Variants in HOXC11 observed in about 807,000 individuals in gnomAD.
The protein encoded by HOXC11 is homeobox protein Hox-C11.
In HOXC11, 17 loss-of-function variants were observed where a neutral mutation model predicts 23.6. The ratio of observed to expected loss-of-function variants is 0.72; its 90% CI spans 0.49 to 1.08. The LOEUF (loss-of-function observed/expected upper bound fraction) is 1.08, where lower values mean the gene tolerates loss of function less well. HOXC11 is among the 50% of genes least tolerant of loss of function. The probability of loss-of-function intolerance (pLI) is 0.00; values close to 1 mark genes in which losing one functional copy is unlikely to be tolerated. For missense variants in HOXC11, 413 were observed against 412.1 expected, an observed-to-expected ratio of 1.00 and a Z score of -0.02; for synonymous variants, 196 against 183.8, an observed-to-expected ratio of 1.07 and a Z score of -0.54.
At position 53,973,520 on chromosome 12, in the gene HOXC11, T is replaced by A; in HGVS notation, c.279T>A (p.Tyr93Ter). ...WHHRNSYSSCYAAADELMHRE... is the reference protein window; with the variant it reads ...WHHRNSYSSC ...ATCGGAACAGCTACTCCTCCTGCTA[T>A]GCGGCGGCCGACGAGCTTATGCACC... Residue 93 changes from tyrosine to a stop codon, truncating the protein, a stop_gained, in exon 1 of 2, where the codon TAT becomes TAA. Transcript: ENST00000546378. LOFTEE classifies it high-confidence loss of function. The surrounding 1 kb of genome is among the most constrained non-coding windows in gnomAD (Gnocchi z 4.3). The A allele has an allele frequency of 6.2e-7, 1 of 1,613,710 alleles. No homozygotes were observed. The highest frequency in any genetic ancestry group is 8.5e-7 in the Non-Finnish European group (1 of 1,179,988).
In HOXC11 at chr12:53,977,394, T is replaced by C. The variant is rs542880992; in HGVS notation, c.*1981T>C. 10 of 152,332 alleles carry C rather than the reference T, an allele frequency of 6.6e-5. No homozygotes were observed. The South Asian group carries it at 2.1e-3, about 32-fold the overall frequency. The allele number at this position is 152,332 out of a possible 1,614,324, so 9.4% of individuals were successfully genotyped here. ...AGGAAAAAGCATCATGACTATCAAA[T>C]CTAGGTTCTGTCATTTTTGATGGTA... On this transcript the variant is annotated 3_prime_UTR_variant, in exon 2 of 2. Transcript: ENST00000546378.
Position 53,975,593 on chromosome 12 carries a change from C to G in HOXC11, c.*180C>G. 3.0e-6 allele frequency: 2 copies of G among 660,532 alleles called. No homozygotes were observed. The highest frequency in any genetic ancestry group is 5.4e-6 in the Non-Finnish European group (2 of 371,006). 40.9% of individuals were successfully genotyped at this position (660,532 alleles called of 1,614,324 possible). A position where few individuals can be genotyped will look rare whatever the true frequency, so the allele number is the denominator to read the frequency against. On this transcript the variant is annotated 3_prime_UTR_variant, in exon 2 of 2. Transcript: ENST00000546378. ...AACCTCCTGGACCCTCTATCTGACT[C>G]TCGCTGTGGGACAGGGACCGGGCCT...
In HOXC11 at chr12:53,973,425, C is replaced by T. The variant is rs1939184554; in HGVS notation, c.184C>T (p.Pro62Ser). 7 of 1,614,100 alleles carry T rather than the reference C, an allele frequency of 4.3e-6. No homozygotes were observed. The African/African-American group carries it at 5.3e-5, about 12-fold the overall frequency. The part of the protein sequence containing the change: ...PQAPSRQISY[P>S]YSAQVPPVRE... ...GGCCCCCTCTCGTCAGATCTCCTAT[C>T]CCTACTCGGCCCAAGTGCCCCCGGT... The change falls in exon 1 of 2, where the codon CCC (proline) becomes TCC (serine). Residue 62 changes from proline (P) to serine (S), a missense_variant. By Grantham distance (74) the Pro-to-Ser change is moderately conservative. Coordinates refer to ENST00000546378, the MANE Select transcript of HOXC11 (RefSeq NM_014212.4). The surrounding 1 kb of genome is among the most constrained non-coding windows in gnomAD (Gnocchi z 4.3).
chr12:53,976,815 C>G lies in HOXC11; in HGVS notation c.*1402C>G, dbSNP rs970152063. ...CCACCGCCCTTCTGCCAGATGTCTC[C>G]GTCTGTCGCAGTTAAATGTGTAGTG... On this transcript the variant is annotated 3_prime_UTR_variant, in exon 2 of 2. Coordinates refer to ENST00000546378, the MANE Select transcript of HOXC11 (RefSeq NM_014212.4). 2 of 150,890 alleles carry G rather than the reference C, an allele frequency of 1.3e-5. No homozygotes were observed. The highest frequency in any genetic ancestry group is 2.9e-5 in the Non-Finnish European group (2 of 67,902). 9.3% of individuals were successfully genotyped at this position (150,890 alleles called of 1,614,324 possible). A position where few individuals can be genotyped will look rare whatever the true frequency, so the allele number is the denominator to read the frequency against.
Position 53,975,705 on chromosome 12 carries a change from A to C in HOXC11, c.*292A>C. The C allele has an allele frequency of 7.4e-6, 4 of 540,954 alleles. No individual in the cohort carries two copies. The highest frequency in any genetic ancestry group is 9.8e-6 in the Non-Finnish European group (3 of 306,990). The allele number at this position is 540,954 out of a possible 1,614,324, so 33.5% of individuals were successfully genotyped here. A position where few individuals can be genotyped will look rare whatever the true frequency, so the allele number is the denominator to read the frequency against. Reference sequence around the variant, plus strand: ...AAGACTTTGATTTAAAAGAAAACACACCTCGGCGACAATGTCTTGCTGCTC... The same window carrying C: ...AAGACTTTGATTTAAAAGAAAACACCCCTCGGCGACAATGTCTTGCTGCTC... On this transcript the variant is annotated 3_prime_UTR_variant, in exon 2 of 2. Transcript: ENST00000546378.
rs78695816 is a variant in HOXC11 at position 53,976,450 on chromosome 12, C to A, written c.*1037C>A. The A allele has an allele frequency of 0.019, 3,498 of 181,888 alleles. 122 individuals carry two copies. The highest frequency in any genetic ancestry group is 0.078 in the African/African-American group (3,309 of 42,480). The allele number at this position is 181,888 out of a possible 1,614,324, so 11.3% of individuals were successfully genotyped here. A position where few individuals can be genotyped will look rare whatever the true frequency, so the allele number is the denominator to read the frequency against. On this transcript the variant is annotated 3_prime_UTR_variant, in exon 2 of 2. Transcript: ENST00000546378. ...TGATTTTATTTGACCCTTTTATTAA[C>A]CCCTCTCCTCTTAAAATCCTCCATG... is the stretch of plus-strand genomic sequence containing the variant.
rs886345474 is a variant in HOXC11, at chr12:53,976,761, A to T, written c.*1348A>T. The T allele has an allele frequency of 6.6e-6, 1 of 151,962 alleles. No individual in the cohort carries two copies. Among genetic ancestry groups the T allele is most frequent in the African/African-American group, 2.4e-5 (1 of 41,334 alleles). The allele number at this position is 151,962 out of a possible 1,614,324, so 9.4% of individuals were successfully genotyped here. ...GTGGAGTTAATTGTAACCATCATCG[A>T]ATTTAAATTTATAGGAATTTTTTTG... On this transcript the variant is annotated 3_prime_UTR_variant, in exon 2 of 2. Transcript: ENST00000546378.
chr12:53,973,191 C>T lies in HOXC11; in HGVS notation c.-51C>T. ...CTCGCCTTCCCAAATTTTCCCCCCT[C>T]GCTAGACCGGGTCCAAAACCTCCAT... On this transcript the variant is annotated 5_prime_UTR_variant, in exon 1 of 2. Transcript: ENST00000546378. This position sits in a 1 kb window ranked among gnomAD's most constrained non-coding sequence, Gnocchi z 4.3. 6.8e-7 allele frequency: 1 copy of T among 1,468,898 alleles called. No individual in the cohort carries two copies. Among genetic ancestry groups the T allele is most frequent in the Non-Finnish European group, 9.1e-7 (1 of 1,098,008 alleles). 91.0% of individuals were successfully genotyped at this position (1,468,898 alleles called of 1,614,324 possible).
In HOXC11 at chr12:53,975,303, C is replaced by G. The variant is rs1225293228; in HGVS notation, c.805C>G (p.Leu269Val). 6.2e-7 allele frequency: 1 copy of G among 1,613,816 alleles called. No individual in the cohort carries two copies. The highest frequency in any genetic ancestry group is 2.2e-5 in the East Asian group (1 of 44,872). Residue 269 changes from leucine to valine, a missense_variant, in exon 2 of 2, where the codon CTG (leucine) becomes GTG (valine). Physicochemically the swap from Leu to Val is conservative, Grantham distance 32 (BLOSUM62 1). Transcript: ENST00000546378. ...GAAGCGGCTGCAGCTGTCCCGGATG[C>G]TGAACCTGACGGACCGACAAGTGAA... is the stretch of plus-strand genomic sequence containing the variant. ...KEKRLQLSRM[L>V]NLTDRQVKIW...
chr12:53,974,833 C>A (rs1939225381), intron 1 of HOXC11: 2 of 221,040 alleles, frequency 9.0e-6, no homozygotes, highest in Non-Finnish European at 8.8e-6. Flanking sequence ...ACTAGGAGGG[C>A]GGCCCAGGAA....
rs777615105 is a variant in HOXC11, at chr12:53,973,247, T to A, written c.6T>A (p.Phe2Leu). 1 of 1,593,776 alleles carries A rather than the reference T, an allele frequency of 6.3e-7. No individual in the cohort carries two copies. The highest frequency in any genetic ancestry group is 8.5e-7 in the Non-Finnish European group (1 of 1,171,682). MFNSVNLGNFCS... is the reference protein window; with the variant it reads MLNSVNLGNFCS... ...GCCGGCAGGAGAGGAGAACGATGTT[T>A]AACTCGGTCAACCTGGGCAACTTCT... The change falls in exon 1 of 2, where the codon TTT becomes TTA. Residue 2 changes from phenylalanine (F) to leucine (L), a missense_variant. Coordinates refer to ENST00000546378, the MANE Select transcript of HOXC11 (RefSeq NM_014212.4). This position sits in a 1 kb window ranked among gnomAD's most constrained non-coding sequence, Gnocchi z 4.3.
At chr12:53,974,826 A>C (rs1444937384) in intron 1 of HOXC11, 4 of 205,858 alleles carry the variant, frequency 1.9e-5, no homozygotes, top group Non-Finnish European at 3.9e-5. Flanking sequence ...CCGAACCACT[A>C]GGAGGGCGGC....
chr12:53,974,327 A>C (rs1189134591), intron 1 of HOXC11, among the ~76,000 whole-genome samples: 1 of 47,076 alleles, frequency 2.1e-5, no homozygotes, highest in Non-Finnish European at 4.3e-5. Flanking sequence ...GGAGGGGTGG[A>C]GGGGGAGAAA....
rs1401017431 is a variant in HOXC11 at position 53,975,784 on chromosome 12, G to C, written c.*371G>C. 2.5e-5 allele frequency: 12 copies of C among 483,858 alleles called. No homozygotes were observed. The highest frequency in any genetic ancestry group is 2.0e-4 in the African/African-American group (10 of 49,978). 30.0% of individuals were successfully genotyped at this position (483,858 alleles called of 1,614,324 possible). The stretch of plus-strand genomic sequence containing the variant: ...TGAGCGCCTGAGCCGAACAATCCTC[G>C]AACTAAAAGCCTTCCCTTGCCCATG... On this transcript the variant is annotated 3_prime_UTR_variant, in exon 2 of 2. Transcript: ENST00000546378.
Position 53,973,396 on chromosome 12 carries a change from C to T in HOXC11, c.155C>T (p.Pro52Leu), listed in dbSNP as rs1462955169. 1.2e-6 allele frequency: 2 copies of T among 1,614,052 alleles called. No homozygotes were observed. Among genetic ancestry groups the T allele is most frequent in the African/African-American group, 1.3e-5 (1 of 74,922 alleles). ...TTCTCCACGGTCTCCTCCTTCCTGC[C>T]CCAGGCCCCCTCTCGTCAGATCTCC... The part of the protein sequence containing the change: ...PEFSTVSSFL[P>L]QAPSRQISYP... Residue 52 changes from proline (P) to leucine (L), a missense_variant, in exon 1 of 2, where the codon CCC becomes CTC. Coordinates refer to ENST00000546378, the MANE Select transcript of HOXC11 (RefSeq NM_014212.4). This position sits in a 1 kb window ranked among gnomAD's most constrained non-coding sequence, Gnocchi z 4.3.
Position 53,976,125 on chromosome 12 carries a change from C to CACTTT in HOXC11, c.*712_*713insACTTT. On this transcript the variant is annotated 3_prime_UTR_variant, in exon 2 of 2. Transcript: ENST00000546378. Reference sequence around the variant, plus strand: ...TAGCTATAGTCTATGCAGTCGTTACCTCTTTTTTTTTTTTTTTTAAGAAAA... The same window carrying CACTTT: ...TAGCTATAGTCTATGCAGTCGTTACCACTTTTCTTTTTTTTTTTTTTTTAAGAAAA... The CACTTT allele has an allele frequency of 3.4e-5, 5 of 146,576 alleles. No individual in the cohort carries two copies. Among genetic ancestry groups the CACTTT allele is most frequent in the Non-Finnish European group, 2.5e-5 (2 of 79,746 alleles). 9.1% of individuals were successfully genotyped at this position (146,576 alleles called of 1,614,324 possible).
In HOXC11 at chr12:53,975,368, G is replaced by T; in HGVS notation, c.870G>T (p.Leu290=). 1 of 1,613,832 alleles carries T rather than the reference G, an allele frequency of 6.2e-7. No homozygotes were observed. Among genetic ancestry groups the T allele is most frequent in the South Asian group, 1.1e-5 (1 of 91,050 alleles). The change falls in exon 2 of 2, where the codon CTG becomes CTT. Residue 290 remains leucine (L), a synonymous_variant. Coordinates refer to ENST00000546378, the MANE Select transcript of HOXC11 (RefSeq NM_014212.4). ...ACAGAAGGATGAAAGAAAAGAAACT[G>T]AGCAGAGACCGGCTGCAGTATTTCT... ...FQNRRMKEKK[L]SRDRLQYFSG...
intron 1 of HOXC11, chr12:53,974,937 G>C: frequency 1.9e-6 from 1 of 513,300 alleles, no homozygotes; most frequent in Non-Finnish European, 3.4e-6. Flanking sequence ...TGTCAGCCGC[G>C]GCTCTCGCCT....
Position 53,975,865 on chromosome 12 carries a change from C to A in HOXC11, c.*452C>A. 5.8e-6 allele frequency: 1 copy of A among 172,820 alleles called. No homozygotes were observed. The highest frequency in any genetic ancestry group is 1.0e-5 in the Non-Finnish European group (1 of 96,432). 10.7% of individuals were successfully genotyped at this position (172,820 alleles called of 1,614,324 possible). On this transcript the variant is annotated 3_prime_UTR_variant, in exon 2 of 2. Coordinates refer to ENST00000546378, the MANE Select transcript of HOXC11 (RefSeq NM_014212.4). Reference sequence around the variant, plus strand: ...CAGCGGAAACTTCTCGAGCTCCCCCCTCTACCCCGCCCCACCTTGCAGCTA... The same window carrying A: ...CAGCGGAAACTTCTCGAGCTCCCCCATCTACCCCGCCCCACCTTGCAGCTA...
Sources: gnomAD v4.1 joint callset for allele counts (sites outside exome capture counted in the v4.1 genomes callset) on GRCh38, gnomAD v4.1.1 for gene constraint, Gnocchi (gnomAD v3.1) non-coding constraint, MANE v1.5 for transcripts, NCBI Gene and HGNC (gene_info 2026-07-23, HGNC 2026-07-21) for gene names.